PRRC2B: variants seen among roughly 807,000 people sequenced by gnomAD.
PRRC2B encodes protein PRRC2B.
A neutral mutation model predicts 242.3 loss-of-function variants in PRRC2B; 68 were observed. The observed-to-expected ratio is 0.28, with a 90% CI of 0.23 to 0.34. PRRC2B has a LOEUF of 0.34. Ranked by LOEUF, PRRC2B falls within the 10% of genes least tolerant of loss-of-function variation. PRRC2B has a pLI of 1.00. For synonymous variants in PRRC2B, 1,228 were observed against 1,173.6 expected, an observed-to-expected ratio of 1.05 and a Z score of -0.95; for missense variants, 2,835 against 2,954.8, an observed-to-expected ratio of 0.96 and a Z score of 0.94.
At chr9:131,425,796 CT>C (rs947434754) in intron 1 of PRRC2B, among the ~76,000 whole-genome samples, 1 of 151,504 alleles carries the variant, frequency 6.6e-6, no homozygotes, top group Non-Finnish European at 1.5e-5. Context: ...CCCCCGAGGA[CT>C]TTTTAAGTAA....
intron 2 of PRRC2B, among the ~76,000 whole-genome samples, chr9:131,431,413 A>C (rs2131325859): frequency 6.6e-6 from 1 of 151,822 alleles, no homozygotes; most frequent in South Asian, 2.1e-4. Flanking sequence ...TACAGGCGTG[A>C]GCCACCGTGC....
chr9:131,439,391 T>C (rs1396249992), intron 5 of PRRC2B, among the ~76,000 whole-genome samples: 1 of 151,942 alleles, frequency 6.6e-6, no homozygotes, highest in East Asian at 1.9e-4. Context: ...GGAAGGAGAG[T>C]GGTCGTGGTG....
At chr9:131,400,238 A>G (rs1453041966) in intron 1 of PRRC2B, among the ~76,000 whole-genome samples, 1 of 151,984 alleles carries the variant, frequency 6.6e-6, no homozygotes, top group Admixed American at 6.6e-5. Context: ...GGCATGCGCC[A>G]CCATGCCTGA....
intron 1 of PRRC2B, among the ~76,000 whole-genome samples, chr9:131,396,282 C>T (rs1417071134): frequency 1.3e-5 from 2 of 149,616 alleles, no homozygotes; most frequent in Non-Finnish European, 1.5e-5. Flanking sequence ...CTCCCTTTCC[C>T]TTCCTTTTCC....
chr9:131,385,152 C>CGCCCGCCACCACGCCTGGCTA lies in PRRC2B; in HGVS notation c.-56+11421_-56+11422insGCCCGCCACCACGCCTGGCTA, dbSNP rs1394697392. 1.6e-3 allele frequency among the ~76,000 whole-genome samples: 237 copies of CGCCCGCCACCACGCCTGGCTA among 150,152 alleles called. 3 individuals carry two copies. Among genetic ancestry groups the CGCCCGCCACCACGCCTGGCTA allele is most frequent in the Admixed American group, 4.0e-3 (58 of 14,604 alleles). ...CCTCCCGAGTAGCTGGGATTACAGG[C>CGCCCGCCACCACGCCTGGCTA]ATGAGCTACACCAGTAAGTTTCCTA... On this transcript the variant is annotated intron_variant, in intron 1 of 1. Transcript: ENST00000682525.
chr9:131,463,205 C>T (rs1224239347), intron 11 of PRRC2B, among the ~76,000 whole-genome samples: 1 of 152,158 alleles, frequency 6.6e-6, no homozygotes, highest in East Asian at 1.9e-4. Context: ...TAAAATGTAC[C>T]TTCATGCCTC....
chr9:131,484,904 C>T (rs1458099034), intron 24 of PRRC2B, 44 bp from the exon 25 acceptor site: 5 of 1,585,922 alleles, frequency 3.2e-6, no homozygotes, highest in Admixed American at 3.4e-5. Context: ...CCACTGCCAG[C>T]GTGATAGTAA....
At chr9:131,437,636 T>A (rs1564283917) in intron 4 of PRRC2B, among the ~76,000 whole-genome samples, 1 of 152,250 alleles carries the variant, frequency 6.6e-6, no homozygotes, top group East Asian at 1.9e-4. Context: ...CCTCTCTGCT[T>A]TAACCATACT....
upstream of PRRC2B, among the ~76,000 whole-genome samples, chr9:131,391,257 G>C (rs933790528): frequency 6.6e-6 from 1 of 152,056 alleles, no homozygotes; most frequent in African/African-American, 2.4e-5. Context: ...GGAGGCTTTA[G>C]GGGAGAATCC....
chr9:131,382,684 G>A (rs546626207), intron 1 of PRRC2B, among the ~76,000 whole-genome samples: 4 of 150,244 alleles, frequency 2.7e-5, no homozygotes, highest in East Asian at 2.0e-4. Context: ...GTTGCCTGTC[G>A]CCCAGGCTGG....
intron 1 of PRRC2B, among the ~76,000 whole-genome samples, chr9:131,396,858 G>A (rs1468846964): frequency 6.6e-6 from 1 of 152,156 alleles, no homozygotes; most frequent in Non-Finnish European, 1.5e-5. Context: ...TGAACCCAGT[G>A]TTGGCCACAA....
chr9:131,460,504 C>G (rs893475716), intron 11 of PRRC2B, among the ~76,000 whole-genome samples: 3 of 152,176 alleles, frequency 2.0e-5, no homozygotes, highest in Non-Finnish European at 4.4e-5. Flanking sequence ...CATCCTGTCC[C>G]CCTCTGGCTA....
At position 131,446,509 on chromosome 9, in the gene PRRC2B, C is replaced by T. The variant is rs1838804919; in HGVS notation, c.722C>T (p.Ala241Val). 6.2e-7 allele frequency: 1 copy of T among 1,613,888 alleles called. No homozygotes were observed. The highest frequency in any genetic ancestry group is 8.5e-7 in the Non-Finnish European group (1 of 1,179,848). ...AGGAACTCGAGTACGGGAGATGGAG[C>T]CCCCTCCTCGGCATGTACCAGCGAT... is the stretch of plus-strand genomic sequence containing the variant. ...GSRNSSTGDG[A>V]PSSACTSDSK... Residue 241 changes from alanine to valine, a missense_variant, in exon 7 of 32, where the codon GCC becomes GTC. This residue lies in a region of PRRC2B where 626 missense variants were observed against 685.5 expected (regional missense o/e 0.91). Transcript: ENST00000683519. This position sits in a 1 kb window ranked among gnomAD's most constrained non-coding sequence, Gnocchi z 4.1.
At chr9:131,411,680 T>C (rs758581378) in intron 1 of PRRC2B, among the ~76,000 whole-genome samples, 1 of 151,704 alleles carries the variant, frequency 6.6e-6, no homozygotes. Flanking sequence ...GCAGGTGTGG[T>C]TTTGAATTCC....
intron 1 of PRRC2B, among the ~76,000 whole-genome samples, chr9:131,388,121 G>A (rs555085956): frequency 6.0e-5 from 9 of 148,986 alleles, no homozygotes; most frequent in African/African-American, 1.5e-4. Flanking sequence ...GCGGGGGGCC[G>A]AGGTTGCAGT....
In PRRC2B at chr9:131,482,666, T is replaced by A; in HGVS notation, c.5176-44T>A. ...GGACAGTAGAAGCTAGAGAGTGTGG[T>A]CATTCCAGTCTGTGTGTCTCCACCT... is the stretch of plus-strand genomic sequence containing the variant. On this transcript the variant is annotated intron_variant, in intron 21 of 31. Coordinates refer to ENST00000683519, the MANE Select transcript of PRRC2B (RefSeq NM_013318.4). This position sits in a 1 kb window ranked among gnomAD's most constrained non-coding sequence, Gnocchi z 5.2. 1 of 1,522,362 alleles carries A rather than the reference T, an allele frequency of 6.6e-7. No homozygotes were observed. Among genetic ancestry groups the A allele is most frequent in the Non-Finnish European group, 8.8e-7 (1 of 1,133,080 alleles). 94.3% of individuals were successfully genotyped at this position (1,522,362 alleles called of 1,614,324 possible). A position where few individuals can be genotyped will look rare whatever the true frequency, so the allele number is the denominator to read the frequency against.
chr9:131,463,936 A>C lies in PRRC2B; in HGVS notation c.1405-827A>C, dbSNP rs1441830823. Among the ~76,000 whole-genome samples, 90 of 145,568 alleles carry C rather than the reference A, an allele frequency of 6.2e-4. No individual in the cohort carries two copies. In the Middle Eastern group the frequency reaches 0.015, roughly 24 times the overall value. ...GCATGAGCTACCGTGCCTTTGCTAGACATGCTTTTTTTTTTTTTTCCCCCA... is the reference window on the plus strand; with the variant it reads ...GCATGAGCTACCGTGCCTTTGCTAGCCATGCTTTTTTTTTTTTTTCCCCCA... On this transcript the variant is annotated intron_variant, in intron 11 of 31. Coordinates refer to ENST00000683519, the MANE Select transcript of PRRC2B (RefSeq NM_013318.4).
upstream of PRRC2B, among the ~76,000 whole-genome samples, chr9:131,389,750 T>G (rs1169473834): frequency 6.7e-6 from 1 of 149,732 alleles, no homozygotes; most frequent in African/African-American, 2.4e-5. Context: ...CCATGGAGAT[T>G]GAGTGCTTAC....
chr9:131,379,924 AGC>A (rs1836733916), intron 1 of PRRC2B, among the ~76,000 whole-genome samples: 1 of 149,330 alleles, frequency 6.7e-6, no homozygotes, highest in African/African-American at 2.5e-5. Context: ...GCACCCAGCC[AGC>A]CTTTTTTTTT....
Sources: gnomAD v4.1 joint callset for allele counts (sites outside exome capture counted in the v4.1 genomes callset) on GRCh38, gnomAD v4.1.1 for gene constraint, gnomAD v4.1.1 regional missense constraint, Gnocchi (gnomAD v3.1) non-coding constraint, MANE v1.5 for transcripts, NCBI Gene and HGNC (gene_info 2026-07-23, HGNC 2026-07-21) for gene names.